The following EIF2AK1 variants were observed in gnomAD, a reference collection of about 807,000 sequenced individuals.
EIF2AK1 encodes eukaryotic translation initiation factor 2-alpha kinase 1.
In EIF2AK1, 54 loss-of-function variants were observed where a neutral mutation model predicts 77.9. The observed-to-expected ratio is 0.69, with a 90% CI of 0.56 to 0.87. EIF2AK1 has a LOEUF of 0.87. Ranked by LOEUF, EIF2AK1 falls within the 40% of genes least tolerant of loss-of-function variation. The pLI is 0.00. For missense variants in EIF2AK1, 810 were observed against 768.6 expected (o/e 1.05, Z -0.64); for synonymous variants, 314 against 290.5 (o/e 1.08, Z -0.82).
rs1163425200 is a variant in EIF2AK1, at chr7:6,027,161, G to A, written c.1531-200C>T. Among the ~76,000 whole-genome samples, 1 of 152,142 alleles carries A rather than the reference G, an allele frequency of 6.6e-6. No homozygotes were observed. Among genetic ancestry groups the A allele is most frequent in the Admixed American group, 6.5e-5 (1 of 15,270 alleles). On this transcript the variant is annotated intron_variant, in intron 13 of 14. Coordinates refer to ENST00000199389, the MANE Select transcript of EIF2AK1 (RefSeq NM_014413.4). The surrounding 1 kb of genome is among the most constrained non-coding windows in gnomAD (Gnocchi z 4.5). The stretch of plus-strand genomic sequence containing the variant: ...CTCAAAAAGGGGCATCCGTGGGCAC[G>A]CAGAATGGATGGTCAGGTGGAGGGC...
Position 6,040,899 on chromosome 7 carries a change from T to TTCG in EIF2AK1, c.1111_1112insCGA (p.Gln371delinsProLys), listed in dbSNP as rs1475221266. 2 of 1,613,750 alleles carry TTCG rather than the reference T, an allele frequency of 1.2e-6. No homozygotes were observed. The highest frequency in any genetic ancestry group is 2.7e-5 in the African/African-American group (2 of 74,910). On this transcript the variant is annotated protein_altering_variant, in exon 9 of 15. Coordinates refer to ENST00000199389, the MANE Select transcript of EIF2AK1 (RefSeq NM_014413.4). The stretch of plus-strand genomic sequence containing the variant: ...TCTGGGAAAGTAATCTACCTCTGTC[T>TTCG]GACCCAAAAAGTTGACATTTTCTTC...
Position 6,047,078 on chromosome 7 carries a change from C to G in EIF2AK1, c.463G>C (p.Ala155Pro), listed in dbSNP as rs1334808774. ...RIQKIRSREV[A>P]LEAQTSRYLN... ...TAACGTGAAGTTTGTGCTTCCAAGG[C>G]TACTTCCCTTGATCTGAAAGTTAAA... Residue 155 changes from alanine to proline, a missense_variant, in exon 5 of 15, where the codon GCC (alanine) becomes CCC (proline). Ala to Pro is a conservative substitution (Grantham distance 27, BLOSUM62 -1). Transcript: ENST00000199389. 2 of 1,613,106 alleles carry G rather than the reference C, an allele frequency of 1.2e-6. No homozygotes were observed. Among genetic ancestry groups the G allele is most frequent in the Non-Finnish European group, 1.7e-6 (2 of 1,179,660 alleles).
intron 7 of EIF2AK1, 31 bp from the exon 8 acceptor site, chr7:6,043,024 A>G: frequency 6.2e-7 from 1 of 1,608,378 alleles, no homozygotes; most frequent in Non-Finnish European, 8.5e-7. Flanking sequence ...ATCATCTTCA[A>G]ACAGCCCAGT....
chr7:6,026,823 C>A lies in EIF2AK1; in HGVS notation c.1669G>T (p.Ala557Ser), dbSNP rs140425908. Residue 557 changes from alanine (A) to serine (S), a missense_variant, in exon 14 of 15, where the codon GCC (alanine) becomes TCC (serine). Ala to Ser is a moderately conservative substitution (Grantham distance 99). This residue lies in a region of EIF2AK1 where 549 missense variants were observed against 533.7 expected (regional missense o/e 1.03). Transcript: ENST00000199389. ...CTCGTTAAGTGCTGGATATACTTGG[C>A]TTGCACTGGACACCTTTTACGGAGG... ...ESLRKRCPVQ[A>S]KYIQHLTRRN... 1.9e-5 allele frequency: 31 copies of A among 1,614,212 alleles called. No homozygotes were observed. The African/African-American group carries it at 4.0e-4, about 21-fold the overall frequency.
chr7:6,048,238 C>T (rs56000981), intron 4 of EIF2AK1, among the ~76,000 whole-genome samples: 13,417 of 152,110 alleles, frequency 0.088, 636 homozygotes, highest in Admixed American at 0.11. Context: ...GCTTTCACTC[C>T]CCATCCTTCC....
intron 6 of EIF2AK1, among the ~76,000 whole-genome samples, chr7:6,045,580 G>C (rs983636642): frequency 6.6e-6 from 1 of 152,060 alleles, no homozygotes; most frequent in Non-Finnish European, 1.5e-5. Flanking sequence ...TTTCAGGGCA[G>C]GTGACAGAAG....
At chr7:6,058,929 G>A (rs546308403) in intron 1 of EIF2AK1, 37 bp downstream of exon 1, 15 of 1,480,116 alleles carry the variant, frequency 1.0e-5, no homozygotes, top group South Asian at 7.7e-5. Flanking sequence ...GGTGGACAGA[G>A]AGAGCAGAGC....
rs1475842237 is a variant in EIF2AK1, at chr7:6,033,955, G to C, written c.1332+3469C>G. Among the ~76,000 whole-genome samples, 1 of 152,014 alleles carries C rather than the reference G, an allele frequency of 6.6e-6. No individual in the cohort carries two copies. Among genetic ancestry groups the C allele is most frequent in the Non-Finnish European group, 1.5e-5 (1 of 68,004 alleles). On this transcript the variant is annotated intron_variant, in intron 11 of 14. Transcript: ENST00000199389. The surrounding 1 kb of genome is among the most constrained non-coding windows in gnomAD (Gnocchi z 4.4). ...GACCTTGTGCACCACTGTATCTCCA[G>C]CACCTCAACCAAATCAATGCCTGAC... is the stretch of plus-strand genomic sequence containing the variant.
At position 6,024,204 on chromosome 7, in the gene EIF2AK1, GT is replaced by G. The variant is rs1787671785; in HGVS notation, c.*468del. The G allele has an allele frequency of 4.0e-6, 5 of 1,241,272 alleles. No homozygotes were observed. In the African/African-American group the frequency reaches 7.8e-5, roughly 19 times the overall value. The allele number at this position is 1,241,272 out of a possible 1,614,324, so 76.9% of individuals were successfully genotyped here. A position where few individuals can be genotyped will look rare whatever the true frequency, so the allele number is the denominator to read the frequency against. Reference sequence around the variant, plus strand: ...GCTTTTATCTTAGAGGCAGCAGAAGGTTTGGAGCCAAGGAATGAAATGATGA... The same window carrying G: ...GCTTTTATCTTAGAGGCAGCAGAAGGTTGGAGCCAAGGAATGAAATGATGA... On this transcript the variant is annotated 3_prime_UTR_variant, in exon 15 of 15. Coordinates refer to ENST00000199389, the MANE Select transcript of EIF2AK1 (RefSeq NM_014413.4).
intron 9 of EIF2AK1, among the ~76,000 whole-genome samples, chr7:6,040,452 G>C (rs532499152): frequency 1.1e-4 from 16 of 152,220 alleles, no homozygotes; most frequent in Admixed American, 9.2e-4. Flanking sequence ...CCCTCAACAA[G>C]AGCCTCCTGA....
chr7:6,025,428 G>A (rs953247410), intron 14 of EIF2AK1, among the ~76,000 whole-genome samples: 11 of 152,110 alleles, frequency 7.2e-5, no homozygotes, highest in African/African-American at 2.7e-4. Context: ...CCAAAGTGCT[G>A]GGATTACAGG....
rs960633534 is a variant in EIF2AK1, at chr7:6,035,638, C to CT, written c.1332+1785_1332+1786insA. ...CAAGGGGAAATCAGCAACAAACGTT[C>CT]ACCACTCCACCTGGCCATAGCATAT... On this transcript the variant is annotated intron_variant, in intron 11 of 14. Coordinates refer to ENST00000199389, the MANE Select transcript of EIF2AK1 (RefSeq NM_014413.4). The surrounding 1 kb of genome is among the most constrained non-coding windows in gnomAD (Gnocchi z 5.5). The CT allele has an allele frequency of 5.8e-6, 9 of 1,550,704 alleles. No individual in the cohort carries two copies. Among genetic ancestry groups the CT allele is most frequent in the Non-Finnish European group, 7.8e-6 (9 of 1,147,060 alleles).
At chr7:6,025,678 G>A (rs117790897) in intron 14 of EIF2AK1, among the ~76,000 whole-genome samples, 4,416 of 152,150 alleles carry the variant, frequency 0.029, 95 homozygotes, top group Middle Eastern at 0.071. Context: ...CTCTTTCGCC[G>A]AGGCTGGAGT....
chr7:6,055,179 C>T (rs1232950894), intron 1 of EIF2AK1, among the ~76,000 whole-genome samples: 1 of 151,714 alleles, frequency 6.6e-6, no homozygotes, highest in Non-Finnish European at 1.5e-5. Context: ...ACCATCTCTA[C>T]TAAAAATACA....
chr7:6,024,500 G>A lies in EIF2AK1; in HGVS notation c.*173C>T, dbSNP rs1170877146. On this transcript the variant is annotated 3_prime_UTR_variant, in exon 15 of 15. Coordinates refer to ENST00000199389, the MANE Select transcript of EIF2AK1 (RefSeq NM_014413.4). ...GGTTAATATTTAGGTAGGAAATTCA[G>A]GAAAAGGAGCTTGTGGGGCAGGAAG... 4.3e-5 allele frequency: 61 copies of A among 1,425,362 alleles called. No homozygotes were observed. Among genetic ancestry groups the A allele is most frequent in the Non-Finnish European group, 5.6e-5 (61 of 1,096,476 alleles). 88.3% of individuals were successfully genotyped at this position (1,425,362 alleles called of 1,614,324 possible).
chr7:6,051,469 G>A (rs1788606660), intron 2 of EIF2AK1, among the ~76,000 whole-genome samples: 1 of 151,752 alleles, frequency 6.6e-6, no homozygotes, highest in African/African-American at 2.4e-5. Context: ...TCACCCTGTT[G>A]CCCAAATTGG....
At chr7:6,051,290 G>C (rs79549814) in intron 2 of EIF2AK1, among the ~76,000 whole-genome samples, 1 of 58,492 alleles carries the variant, frequency 1.7e-5, no homozygotes, top group Non-Finnish European at 3.6e-5. Context: ...TTTTTTTTTT[G>C]AGACAGACTC....
At chr7:6,056,194 G>A (rs551477572) in intron 1 of EIF2AK1, among the ~76,000 whole-genome samples, 118 of 149,024 alleles carry the variant, frequency 7.9e-4, no homozygotes, top group African/African-American at 2.5e-3. Context: ...TCAGGAGGCT[G>A]AGGCAGGAGA....
At chr7:6,039,122 G>A (rs1417334769) in intron 9 of EIF2AK1, among the ~76,000 whole-genome samples, 1 of 152,078 alleles carries the variant, frequency 6.6e-6, no homozygotes, top group Non-Finnish European at 1.5e-5. Flanking sequence ...CTGGCTTCAC[G>A]TTGTACATAA....
Sources: allele counts gnomAD v4.1 joint callset (sites outside exome capture counted in the v4.1 genomes callset), GRCh38; gene constraint gnomAD v4.1.1; regional missense constraint gnomAD v4.1.1; non-coding constraint Gnocchi (gnomAD v3.1); transcripts MANE v1.5; gene names NCBI Gene and HGNC (gene_info 2026-07-23, HGNC 2026-07-21).